AGBL1: variants seen among roughly 807,000 people sequenced by gnomAD.
The protein encoded by AGBL1 is AGBL carboxypeptidase 1, also known as cytosolic carboxypeptidase 4.
In AGBL1, 130 loss-of-function variants were observed where a neutral mutation model predicts 118.9. The ratio of observed to expected loss-of-function variants is 1.09; its 90% CI spans 0.95 to 1.26. The LOEUF (loss-of-function observed/expected upper bound fraction) is 1.26, where lower values mean the gene tolerates loss of function less well. AGBL1 is among the 50% of genes most tolerant of loss of function. AGBL1 has a pLI of 0.00. For synonymous variants in AGBL1, 555 were observed against 478.9 expected (o/e 1.16, Z -2.08); for missense variants, 1,584 against 1,298.1 (o/e 1.22, Z -3.38).
intron 7 of AGBL1, among the ~76,000 whole-genome samples, chr15:86,254,262 T>G (rs182986393): frequency 6.6e-6 from 1 of 152,372 alleles, no homozygotes; most frequent in Non-Finnish European, 1.5e-5. Flanking sequence ...ATTCGGCACT[T>G]GCCTACTTTA....
At chr15:86,225,570 GC>G (rs2078348580) in intron 6 of AGBL1, among the ~76,000 whole-genome samples, 1 of 152,136 alleles carries the variant, frequency 6.6e-6, no homozygotes, top group Non-Finnish European at 1.5e-5. Context: ...GGAATTTTTT[GC>G]CTGGTAGCCC....
rs56220049 is a variant in AGBL1 at position 86,190,134 on chromosome 15, T to C, written c.488+31108T>C. The stretch of plus-strand genomic sequence containing the variant: ...GTAATAAGACATTTTTAATTAGTTC[T>C]ATTTATGTTCTCTTTTTTAAAAGTA... On this transcript the variant is annotated intron_variant, in intron 5 of 22. Transcript: ENST00000614907. Among the ~76,000 whole-genome samples the C allele has an allele frequency of 9.0e-3, 1,364 of 152,332 alleles. 18 individuals are homozygous for C. The highest frequency in any genetic ancestry group is 0.032 in the African/African-American group (1,311 of 41,576).
At chr15:86,486,830 C>T (rs973196133) in intron 18 of AGBL1, among the ~76,000 whole-genome samples, 1 of 151,954 alleles carries the variant, frequency 6.6e-6, no homozygotes, top group Admixed American at 6.6e-5. Flanking sequence ...CATGCATTTG[C>T]CCTACTCCTG....
chr15:86,667,485 T>C (rs2085667937), intron 21 of AGBL1, among the ~76,000 whole-genome samples: 1 of 152,166 alleles, frequency 6.6e-6, no homozygotes, highest in East Asian at 1.9e-4. Flanking sequence ...CTCTTCAAAA[T>C]TATTTATATC....
chr15:86,476,260 G>C (rs577771930), intron 18 of AGBL1, among the ~76,000 whole-genome samples: 2 of 152,160 alleles, frequency 1.3e-5, no homozygotes, highest in African/African-American at 4.8e-5. Context: ...TGGGCTAAAT[G>C]CTCCAATTAA....
At chr15:86,488,167 G>A (rs1185730233) in intron 18 of AGBL1, among the ~76,000 whole-genome samples, 1 of 151,996 alleles carries the variant, frequency 6.6e-6, no homozygotes, top group African/African-American at 2.4e-5. Flanking sequence ...GCAAACACTT[G>A]AGCTCCTATA....
Position 86,158,966 on chromosome 15 carries a change from C to T in AGBL1, c.428C>T (p.Ala143Val), listed in dbSNP as rs1194395705. The T allele has an allele frequency of 5.6e-6, 9 of 1,613,286 alleles. No homozygotes were observed. Among genetic ancestry groups the T allele is most frequent in the Middle Eastern group, 1.7e-4 (1 of 6,056 alleles). Residue 143 changes from alanine to valine, a missense_variant, in exon 5 of 23, where the codon GCC (alanine) becomes GTC (valine). Transcript: ENST00000614907. The part of the protein sequence containing the change: ...SMGAMLGING[A>V]MELLFKVITP... ...GGAGCCATGCTGGGAATTAATGGAG[C>T]CATGGAACTGCTTTTCAAGGTTATT...
chr15:86,946,104 C>CTAAG (rs985413094), intron 23 of AGBL1: 22 of 152,192 alleles, frequency 1.4e-4, no homozygotes, highest in African/African-American at 4.6e-4. Context: ...TCTCCCAACT[C>CTAAG]TAAGTTCAAA....
intron 24 of AGBL1, among the ~76,000 whole-genome samples, chr15:87,009,388 C>T (rs1188562424): frequency 6.6e-6 from 1 of 152,212 alleles, no homozygotes; most frequent in Non-Finnish European, 1.5e-5. Context: ...GTTTGGGATC[C>T]TCTGCCTAGA....
At chr15:86,931,920 A>C (rs925902882) in intron 23 of AGBL1, among the ~76,000 whole-genome samples, 1 of 152,246 alleles carries the variant, frequency 6.6e-6, no homozygotes, top group Non-Finnish European at 1.5e-5. Context: ...CAGTAAAAAA[A>C]AATCAAGTGT....
chr15:86,344,059 A>T (rs919251023), intron 17 of AGBL1, among the ~76,000 whole-genome samples: 2 of 152,224 alleles, frequency 1.3e-5, no homozygotes, highest in African/African-American at 4.8e-5. Context: ...TGTGGGACAC[A>T]TTTGGAAAGG....
intron 23 of AGBL1, among the ~76,000 whole-genome samples, chr15:86,928,535 A>C (rs1596643939): frequency 6.6e-6 from 1 of 152,180 alleles, no homozygotes; most frequent in Non-Finnish European, 1.5e-5. Context: ...TGCTCTTTCC[A>C]CTGCACTATC....
chr15:86,638,111 A>T (rs1292900992), intron 21 of AGBL1, among the ~76,000 whole-genome samples: 1 of 152,110 alleles, frequency 6.6e-6, no homozygotes, highest in Admixed American at 6.6e-5. Flanking sequence ...CAGGCTAGAG[A>T]CCCAGAACTG....
At chr15:86,553,448 C>T (rs996045129) in intron 20 of AGBL1, among the ~76,000 whole-genome samples, 3 of 152,086 alleles carry the variant, frequency 2.0e-5, no homozygotes, top group East Asian at 1.9e-4. Flanking sequence ...AACATATGAA[C>T]CCAGAGAGGA....
chr15:86,868,721 C>T (rs1017736231), intron 22 of AGBL1, among the ~76,000 whole-genome samples: 2 of 152,178 alleles, frequency 1.3e-5, no homozygotes, highest in Non-Finnish European at 2.9e-5. Context: ...TTCGCACTGT[C>T]TGGTTTATAT....
At chr15:86,081,610 A>G (rs1202869536) in intron 1 of AGBL1, among the ~76,000 whole-genome samples, 1 of 152,356 alleles carries the variant, frequency 6.6e-6, no homozygotes. Context: ...TTGCAAAATA[A>G]ATCCAAGGAT....
At chr15:86,855,031 C>T (rs2079458841) in intron 22 of AGBL1, among the ~76,000 whole-genome samples, 1 of 152,128 alleles carries the variant, frequency 6.6e-6, no homozygotes, top group African/African-American at 2.4e-5. Flanking sequence ...TTGTCTTCTG[C>T]TCAAAGGTTA....
intron 24 of AGBL1, among the ~76,000 whole-genome samples, chr15:87,023,710 T>G (rs2081693581): frequency 6.6e-6 from 1 of 152,054 alleles, no homozygotes; most frequent in Admixed American, 6.6e-5. Context: ...TGGAACTTTC[T>G]TCAAGAAAGA....
Position 86,667,238 on chromosome 15 carries a change from GTATGTATGTATGTATGTATC to G in AGBL1, c.2995-7031_2995-7012del, listed in dbSNP as rs1567111831. Among the ~76,000 whole-genome samples the G allele has an allele frequency of 4.7e-4, 47 of 100,960 alleles. 1 individual carries two copies. Among genetic ancestry groups the G allele is most frequent in the African/African-American group, 1.5e-3 (45 of 30,834 alleles). 66.2% of individuals were successfully genotyped at this position (100,960 alleles called of 152,430 possible). ...TCTATGTATGTATGTATGTATGTAT[GTATGTATGTATGTATGTATC>G]TATCTATCTATCTGTCTATCTTTGC... On this transcript the variant is annotated intron_variant, in intron 21 of 22. Coordinates refer to ENST00000614907, the MANE Select transcript of AGBL1 (RefSeq NM_001386094.1).
Sources: gnomAD v4.1 joint callset for allele counts (sites outside exome capture counted in the v4.1 genomes callset) on GRCh38, gnomAD v4.1.1 for gene constraint, MANE v1.5 for transcripts, NCBI Gene and HGNC (gene_info 2026-07-23, HGNC 2026-07-21) for gene names.